PLA2G4F: variants seen among roughly 807,000 people sequenced by gnomAD.
PLA2G4F encodes phospholipase A2 group IVF, also known as cytosolic phospholipase A2 zeta.
PLA2G4F carries 105 observed loss-of-function variants against 103.1 expected under a neutral mutation model. That is an observed-to-expected ratio of 1.02 (90% CI 0.87 to 1.20). The LOEUF is 1.20. Among genes scored for constraint, PLA2G4F ranks in the 50% most tolerant of loss-of-function variants. The probability of loss-of-function intolerance (pLI) is 0.00; values close to 1 mark genes in which losing one functional copy is unlikely to be tolerated. For missense variants in PLA2G4F, 1,155 were observed against 1,075.9 expected, an observed-to-expected ratio of 1.07 and a Z score of -1.03; for synonymous variants, 468 against 441.1, an observed-to-expected ratio of 1.06 and a Z score of -0.76.
intron 7 of PLA2G4F, among the ~76,000 whole-genome samples, chr15:42,152,391 G>C (rs570667803): frequency 2.0e-5 from 3 of 152,204 alleles, no homozygotes; most frequent in Non-Finnish European, 2.9e-5. Flanking sequence ...GGCCACCCCC[G>C]CCAAGCCCAG....
chr15:42,144,795 G>A (rs1328960284), intron 16 of PLA2G4F, 151 bp from the exon 17 acceptor site: 9 of 789,558 alleles, frequency 1.1e-5, no homozygotes, highest in Non-Finnish European at 1.7e-5. Flanking sequence ...TCTGACCAAT[G>A]CTTCATTGAA....
chr15:42,142,122 G>A lies in PLA2G4F; in HGVS notation c.2412C>T (p.Asn804=), dbSNP rs1439253495. 2 of 1,614,214 alleles carry A rather than the reference G, an allele frequency of 1.2e-6. No homozygotes were observed. The highest frequency in any genetic ancestry group is 1.7e-6 in the Non-Finnish European group (2 of 1,180,026). Residue 804 remains asparagine, a synonymous_variant, in exon 20 of 20, where the codon AAC becomes AAT. Transcript: ENST00000397272. ...NRPDTPYGMM[N]FTYEPQDFYR... ...AAAAGTCCTGGGGCTCATAGGTGAA[G>A]TTCATCATGCCATAGGGGGTGTCTG...
chr15:42,150,715 G>T lies in PLA2G4F; in HGVS notation c.664C>A (p.Gln222Lys), dbSNP rs778171466. ...AYEKPQLLPL[Q>K]PPTEPGLPPT... ...GGGAGGCCTGGCTCTGTGGGAGGCT[G>T]CAGGGGCAAGAGCTGTGGCTTCTCG... The change falls in exon 8 of 20, where the codon CAG becomes AAG. Residue 222 changes from glutamine to lysine, a missense_variant. Gln to Lys is a moderately conservative substitution (Grantham distance 53). Around this residue, in one of 3 missense-constraint regions of PLA2G4F, gnomAD observed 370 missense variants for 364.9 expected, o/e 1.01. Coordinates refer to ENST00000397272, the MANE Select transcript of PLA2G4F (RefSeq NM_213600.4). 2.5e-6 allele frequency: 4 copies of T among 1,613,106 alleles called. No individual in the cohort carries two copies. The highest frequency in any genetic ancestry group is 3.4e-6 in the Non-Finnish European group (4 of 1,179,718).
At chr15:42,144,228 C>CTTCTCTCTGTAGAG in intron 17 of PLA2G4F, 84 bp from the exon 18 acceptor site, 3 of 1,490,582 alleles carry the variant, frequency 2.0e-6, no homozygotes, top group Non-Finnish European at 2.7e-6. Context: ...TCACGTTTGC[C>CTTCTCTCTGTAGAG]TTCTCTCTGT....
chr15:42,155,307 C>CACGTAT, intron 2 of PLA2G4F, among the ~76,000 whole-genome samples: 1 of 152,076 alleles, frequency 6.6e-6, no homozygotes, highest in East Asian at 1.9e-4. Context: ...CACTCACACA[C>CACGTAT]ACGTATACAC....
intron 9 of PLA2G4F, 106 bp from the exon 10 acceptor site, chr15:42,150,247 G>A (rs1053066686): frequency 1.3e-6 from 2 of 1,561,570 alleles, no homozygotes; most frequent in Non-Finnish European, 1.8e-6. Context: ...CTGGCCCGAT[G>A]TGGACATCAT....
chr15:42,144,506 C>A lies in PLA2G4F; in HGVS notation c.1919G>T (p.Arg640Leu). 6.2e-7 allele frequency: 1 copy of A among 1,612,448 alleles called. No homozygotes were observed. The highest frequency in any genetic ancestry group is 8.5e-7 in the Non-Finnish European group (1 of 1,180,026). Residue 640 changes from arginine to leucine, a missense_variant, in exon 17 of 20, where the codon CGG becomes CTG. This residue lies in a region of PLA2G4F where 782 missense variants were observed against 692.9 expected (regional missense o/e 1.13). Transcript: ENST00000397272. ...ATAGTCCTTGTGCAAGCAGAGACCC[C>A]GGGTGAAGTTAAAGCTCTGGGCGGA... Reference protein sequence around the residue: ...FTSAQSFNFTRGLCLHKDYVA... With the variant: ...FTSAQSFNFTLGLCLHKDYVA...
In PLA2G4F at chr15:42,147,161, A is replaced by T. The variant is rs1048564594; in HGVS notation, c.1382T>A (p.Leu461His). Residue 461 changes from leucine to histidine, a missense_variant, in exon 13 of 20, where the codon CTC becomes CAC. Leu to His is a moderately conservative substitution (Grantham distance 99). This residue lies in a region of PLA2G4F where 782 missense variants were observed against 692.9 expected (regional missense o/e 1.13). Transcript: ENST00000397272. The stretch of plus-strand genomic sequence containing the variant: ...GAGATACTCAACAAGGAGGCCCCAG[A>T]GGTCGATGAGGGACACGCTGTGGCC... The part of the protein sequence containing the change: ...RSGHSVSLID[L>H]WGLLVEYLLY... 24 of 1,612,742 alleles carry T rather than the reference A, an allele frequency of 1.5e-5. No individual in the cohort carries two copies. Among genetic ancestry groups the T allele is most frequent in the Non-Finnish European group, 1.9e-5 (22 of 1,179,954 alleles).
chr15:42,152,970 AG>A (rs2048975212), intron 6 of PLA2G4F, among the ~76,000 whole-genome samples: 1 of 152,144 alleles, frequency 6.6e-6, no homozygotes, highest in South Asian at 2.1e-4. Flanking sequence ...GGTCATACCT[AG>A]CCCCTCTCCC....
chr15:42,151,740 A>G (rs1405632658), intron 7 of PLA2G4F: 31 of 849,528 alleles, frequency 3.6e-5, no homozygotes, highest in Non-Finnish European at 4.1e-5. Context: ...TGCTATTCAT[A>G]AGAAGAAACC....
At chr15:42,152,816 G>C in intron 6 of PLA2G4F, 62 bp from the exon 7 acceptor site, 1 of 1,484,052 alleles carries the variant, frequency 6.7e-7, no homozygotes, top group Non-Finnish European at 9.2e-7. Context: ...GATGGAGAGA[G>C]GGAGGAGTGC....
chr15:42,154,000 T>C (rs1450518661), intron 4 of PLA2G4F, 92 bp downstream of exon 4: 1 of 1,567,094 alleles, frequency 6.4e-7, no homozygotes, highest in Non-Finnish European at 8.7e-7. Flanking sequence ...CTTGGAGGCT[T>C]GGCCTGTGCC....
At chr15:42,143,917 TC>T in intron 18 of PLA2G4F, 60 bp downstream of exon 18, 1 of 1,510,634 alleles carries the variant, frequency 6.6e-7, no homozygotes, top group South Asian at 1.3e-5. Flanking sequence ...CCTCCTCTCC[TC>T]CCTCACCCTT....
At chr15:42,154,268 G>C (rs959843615) in intron 3 of PLA2G4F, 48 bp from the exon 4 acceptor site, 93 of 1,612,744 alleles carry the variant, frequency 5.8e-5, no homozygotes, top group Non-Finnish European at 7.7e-5. Context: ...AGGACAGGAG[G>C]GTAGCTGCCT....
intron 16 of PLA2G4F, 27 bp from the exon 17 acceptor site, chr15:42,144,671 G>C (rs1181105711): frequency 1.4e-5 from 21 of 1,537,604 alleles, no homozygotes; most frequent in Non-Finnish European, 1.6e-5. Flanking sequence ...CAGTGAAATA[G>C]AGGGGAAAGT....
In PLA2G4F at chr15:42,150,159, C is replaced by T; in HGVS notation, c.886-18G>A. On this transcript the variant is annotated intron_variant, in intron 9 of 19. Coordinates refer to ENST00000397272, the MANE Select transcript of PLA2G4F (RefSeq NM_213600.4). The stretch of plus-strand genomic sequence containing the variant: ...TCCTGGCCCTGAAAGACACAGCAGC[C>T]CCAACCCTGAGTTCTCTGGGCAGGA... 1 of 1,614,160 alleles carries T rather than the reference C, an allele frequency of 6.2e-7. No homozygotes were observed. The highest frequency in any genetic ancestry group is 8.5e-7 in the Non-Finnish European group (1 of 1,180,020).
intron 1 of PLA2G4F, among the ~76,000 whole-genome samples, chr15:42,155,933 C>T (rs1329037257): frequency 6.6e-6 from 1 of 152,146 alleles, no homozygotes; most frequent in African/African-American, 2.4e-5. Context: ...TAATGTTGTG[C>T]TTGAGAAGAT....
Position 42,154,384 on chromosome 15 carries a change from C to A in PLA2G4F, c.259G>T (p.Ala87Ser). 2 of 1,612,268 alleles carry A rather than the reference C, an allele frequency of 1.2e-6. No homozygotes were observed. The highest frequency in any genetic ancestry group is 2.7e-5 in the African/African-American group (2 of 75,026). The change falls in exon 3 of 20, where the codon GCC (alanine) becomes TCC (serine). Residue 87 changes from alanine (A) to serine (S), a missense_variant. Coordinates refer to ENST00000397272, the MANE Select transcript of PLA2G4F (RefSeq NM_213600.4). Reference protein sequence around the residue: ...SPSPAQTRIVANCSDPEWNET... With the variant: ...SPSPAQTRIVSNCSDPEWNET... ...TTCCACTCGGGGTCACTGCAGTTGG[C>A]CACTATCCTAGTCTGGGCAGGGCTT...
chr15:42,148,613 C>G, intron 11 of PLA2G4F: 1 of 984,776 alleles, frequency 1.0e-6, no homozygotes, highest in Non-Finnish European at 1.2e-6. Flanking sequence ...CTAAATTGTC[C>G]CCCGTTGAGC....
Sources: allele counts gnomAD v4.1 joint callset (sites outside exome capture counted in the v4.1 genomes callset), GRCh38; gene constraint gnomAD v4.1.1; regional missense constraint gnomAD v4.1.1; transcripts MANE v1.5; gene names NCBI Gene and HGNC (gene_info 2026-07-23, HGNC 2026-07-21).